RIC3: variants seen among roughly 807,000 people sequenced by gnomAD.
RIC3 encodes the protein protein RIC-3.
Under a neutral mutation model 27.3 loss-of-function variants are expected in RIC3, and 28 were observed. The observed-to-expected ratio is 1.02, with a 90% CI of 0.76 to 1.41. The LOEUF is 1.41. Among genes scored for constraint, RIC3 ranks in the 40% most tolerant of loss-of-function variants. RIC3 has a pLI of 0.00. For missense variants in RIC3, 501 were observed against 444.7 expected (o/e 1.13, Z -1.14); for synonymous variants, 184 against 160.4 (o/e 1.15, Z -1.11).
intron 5 of RIC3, among the ~76,000 whole-genome samples, chr11:8,121,577 A>T (rs1946456774): frequency 2.0e-5 from 3 of 152,098 alleles, no homozygotes; most frequent in Admixed American, 2.0e-4. Flanking sequence ...TTAGCTGGGC[A>T]TGGTGGCACA....
intron 1 of RIC3, among the ~76,000 whole-genome samples, chr11:8,141,240 T>C (rs1321988045): frequency 6.6e-6 from 1 of 151,982 alleles, no homozygotes; most frequent in African/African-American, 2.4e-5. Context: ...GACTGGCAAA[T>C]TGGATAAAGT....
chr11:8,106,308 CT>C lies in RIC3; in HGVS notation c.*4389del, dbSNP rs1564938558. ...TTTACTTCCTAATTTTTTTCTATAC[CT>C]TTCATTCATTGTTTCCTAGGAGCCT... is the stretch of plus-strand genomic sequence containing the variant. On this transcript the variant is annotated 3_prime_UTR_variant, in exon 6 of 6. Transcript: ENST00000309737. 6.6e-6 allele frequency: 1 copy of C among 152,080 alleles called. No individual in the cohort carries two copies. Among genetic ancestry groups the C allele is most frequent in the East Asian group, 1.9e-4 (1 of 5,190 alleles). 9.4% of individuals were successfully genotyped at this position (152,080 alleles called of 1,614,324 possible). A position where few individuals can be genotyped will look rare whatever the true frequency, so the allele number is the denominator to read the frequency against.
intron 5 of RIC3, among the ~76,000 whole-genome samples, chr11:8,112,020 A>G (rs1190172564): frequency 6.6e-6 from 1 of 152,252 alleles, no homozygotes; most frequent in African/African-American, 2.4e-5. Flanking sequence ...GGCAAATTCA[A>G]CCCTAACGTA....
At chr11:8,168,016 A>G (rs1486263625) in intron 1 of RIC3, among the ~76,000 whole-genome samples, 1 of 152,226 alleles carries the variant, frequency 6.6e-6, no homozygotes, top group Admixed American at 6.5e-5. Flanking sequence ...CTGTCCAGCA[A>G]TCAACAGTTT....
the RIC3 span, among the ~76,000 whole-genome samples, chr11:8,095,880 CT>C: frequency 6.6e-6 from 1 of 152,246 alleles, no homozygotes; most frequent in African/African-American, 2.4e-5. Flanking sequence ...TTTCCTTTTC[CT>C]TTTGCTCCTT....
At chr11:8,118,176 C>G (rs866055153) in intron 5 of RIC3, among the ~76,000 whole-genome samples, 1 of 149,952 alleles carries the variant, frequency 6.7e-6, no homozygotes, top group Non-Finnish European at 1.5e-5. Context: ...TGAGCCAAGA[C>G]CCTGCCACTG....
At chr11:8,116,957 C>A (rs1017207063) in intron 5 of RIC3, among the ~76,000 whole-genome samples, 1 of 152,200 alleles carries the variant, frequency 6.6e-6, no homozygotes, top group African/African-American at 2.4e-5. Context: ...TATCTGCACT[C>A]CCATGTTCAC....
At chr11:8,099,994 G>A in the RIC3 span, among the ~76,000 whole-genome samples, 1 of 152,308 alleles carries the variant, frequency 6.6e-6, no homozygotes, top group African/African-American at 2.4e-5. Flanking sequence ...GGAGAGTTCT[G>A]AGCAGAGGAG....
At chr11:8,094,013 C>G in the RIC3 span, 5 of 1,613,818 alleles carry the variant, frequency 3.1e-6, no homozygotes, top group Admixed American at 3.3e-5. Flanking sequence ...CTGCCTGTTT[C>G]TCTCTCTCCA....
At chr11:8,161,911 CA>C (rs1315870898) in intron 1 of RIC3, among the ~76,000 whole-genome samples, 1,499 of 128,008 alleles carry the variant, frequency 0.012, 59 homozygotes, top group African/African-American at 0.019. Flanking sequence ...ATGAGACACT[CA>C]CTTTCTCCGG....
At chr11:8,101,985 C>A, downstream of RIC3, 1 of 252,132 alleles carries the variant, frequency 4.0e-6, no homozygotes. Flanking sequence ...CACTGCAGGG[C>A]TGCTGTGGCC....
At chr11:8,129,905 T>C (rs946683768) in intron 4 of RIC3, among the ~76,000 whole-genome samples, 1 of 152,216 alleles carries the variant, frequency 6.6e-6, no homozygotes, top group Non-Finnish European at 1.5e-5. Flanking sequence ...CTATTGCTGT[T>C]TCATATTATA....
In RIC3 at chr11:8,108,849, C is replaced by G. The variant is rs560004619; in HGVS notation, c.*1849G>C. On this transcript the variant is annotated 3_prime_UTR_variant, in exon 6 of 6. Coordinates refer to ENST00000309737, the MANE Select transcript of RIC3 (RefSeq NM_001206671.4). ...TTATCTCTAATAAGGGAATCCTATC[C>G]TAAGGCCAAAAGTAAACCTGAGCCA... is the stretch of plus-strand genomic sequence containing the variant. 1 of 152,218 alleles carries G rather than the reference C, an allele frequency of 6.6e-6. No individual in the cohort carries two copies. Among genetic ancestry groups the G allele is most frequent in the Non-Finnish European group, 1.5e-5 (1 of 68,050 alleles). The allele number at this position is 152,218 out of a possible 1,614,324, so 9.4% of individuals were successfully genotyped here. A position where few individuals can be genotyped will look rare whatever the true frequency, so the allele number is the denominator to read the frequency against.
chr11:8,127,551 A>G (rs563899697), intron 4 of RIC3, among the ~76,000 whole-genome samples: 1 of 152,340 alleles, frequency 6.6e-6, no homozygotes, highest in East Asian at 1.9e-4. Flanking sequence ...GTTCTGGCAA[A>G]TATCTGCAAA....
chr11:8,147,788 C>T (rs1949852445), intron 1 of RIC3, among the ~76,000 whole-genome samples: 1 of 142,456 alleles, frequency 7.0e-6, no homozygotes, highest in South Asian at 2.2e-4. Flanking sequence ...AGTGCAGTGG[C>T]GCGATCTCGG....
intron 1 of RIC3, among the ~76,000 whole-genome samples, chr11:8,142,125 G>T (rs1347372417): frequency 6.8e-6 from 1 of 146,128 alleles, no homozygotes; most frequent in Non-Finnish European, 1.5e-5. Context: ...AACTAGAAAA[G>T]CAAGAGCAAA....
At position 8,110,371 on chromosome 11, in the gene RIC3, C is replaced by G; in HGVS notation, c.*327G>C. On this transcript the variant is annotated 3_prime_UTR_variant, in exon 6 of 6. Coordinates refer to ENST00000309737, the MANE Select transcript of RIC3 (RefSeq NM_001206671.4). ...CAGGTGAACTATCTGTTACACCTAC[C>G]AGGAAGAGTCAGACCTTTGCCCCTG... 2.4e-6 allele frequency: 1 copy of G among 414,284 alleles called. No homozygotes were observed. The highest frequency in any genetic ancestry group is 4.5e-6 in the Non-Finnish European group (1 of 219,812). The allele number at this position is 414,284 out of a possible 1,614,324, so 25.7% of individuals were successfully genotyped here.
the RIC3 span, chr11:8,096,725 TGAG>T: frequency 2.2e-5 from 36 of 1,613,866 alleles, no homozygotes; most frequent in East Asian, 1.1e-4. Context: ...ATGAGGAGGA[TGAG>T]GAGGAGAATA....
At position 8,140,167 on chromosome 11, in the gene RIC3, T is replaced by C. The variant is rs145566905; in HGVS notation, c.151A>G (p.Met51Val). The C allele has an allele frequency of 1.9e-6, 3 of 1,613,096 alleles. No homozygotes were observed. The highest frequency in any genetic ancestry group is 1.1e-5 in the South Asian group (1 of 90,784). ...EGKLGRFPPM[M>V]HHHQAPSDGQ... ...TCTGAGGGTGCCTGGTGATGATGCA[T>C]CATAGGTGGAAATCGGCCCAATTTT... is the stretch of plus-strand genomic sequence containing the variant. The change falls in exon 2 of 6, where the codon ATG becomes GTG. Residue 51 changes from methionine (M) to valine (V), a missense_variant. By Grantham distance (21) the Met-to-Val change is conservative. Coordinates refer to ENST00000309737, the MANE Select transcript of RIC3 (RefSeq NM_001206671.4).
Sources: gnomAD v4.1 joint callset for allele counts (sites outside exome capture counted in the v4.1 genomes callset) on GRCh38, gnomAD v4.1.1 for gene constraint, MANE v1.5 for transcripts, NCBI Gene and HGNC (gene_info 2026-07-23, HGNC 2026-07-21) for gene names.